The following PTK2 variants were observed in gnomAD, a reference collection of about 807,000 sequenced individuals.
PTK2 encodes the protein focal adhesion kinase 1.
A neutral mutation model predicts 150.1 loss-of-function variants in PTK2; 45 were observed. That is an observed-to-expected ratio of 0.30 (90% CI 0.24 to 0.38). The LOEUF (loss-of-function observed/expected upper bound fraction) is 0.38. Ranked by LOEUF, PTK2 falls within the 10% of genes least tolerant of loss-of-function variation. PTK2 has a pLI of 1.00. For synonymous variants in PTK2, 432 were observed against 449.2 expected, an observed-to-expected ratio of 0.96 and a Z score of 0.48; for missense variants, 919 against 1,307.3, an observed-to-expected ratio of 0.70 and a Z score of 4.58.
At position 140,872,729 on chromosome 8, in the gene PTK2, CCTTA is replaced by C. The variant is rs541880243; in HGVS notation, c.362+6738_362+6741del. On this transcript the variant is annotated intron_variant, in intron 4 of 31. Transcript: ENST00000522684. ...TGACTTCTGAAGGAATTTACCATTCCCTTATTTACATGTTCCATATGGTCTTAAC... is the reference window on the plus strand; with the variant it reads ...TGACTTCTGAAGGAATTTACCATTCCTTTACATGTTCCATATGGTCTTAAC... Among the ~76,000 whole-genome samples the C allele has an allele frequency of 2.1e-4, 32 of 152,328 alleles. 1 individual carries two copies. In the East Asian group the frequency reaches 6.2e-3, roughly 29 times the overall value.
intron 8 of PTK2, among the ~76,000 whole-genome samples, chr8:140,820,100 T>TG (rs2100107424): frequency 2.0e-4 from 18 of 90,894 alleles, no homozygotes; most frequent in East Asian, 3.0e-4. Flanking sequence ...TTTTTTTTTT[T>TG]TTTTTTTTTT....
chr8:140,772,861 T>C (rs999403382), intron 14 of PTK2, among the ~76,000 whole-genome samples: 1 of 152,216 alleles, frequency 6.6e-6, no homozygotes, highest in Non-Finnish European at 1.5e-5. Flanking sequence ...ATAAAAGATA[T>C]ATGGAACACT....
intron 2 of PTK2, among the ~76,000 whole-genome samples, chr8:140,922,308 C>T (rs926529167): frequency 6.6e-6 from 1 of 151,972 alleles, no homozygotes; most frequent in African/African-American, 2.4e-5. Flanking sequence ...TATCATTCAC[C>T]AGCATGAACT....
chr8:140,744,532 C>T (rs1359919115), intron 19 of PTK2, 120 bp downstream of exon 22: 6 of 509,346 alleles, frequency 1.2e-5, no homozygotes, highest in African/African-American at 1.9e-5. Flanking sequence ...AGAATTGGTA[C>T]AAAACTGTAC....
chr8:140,761,778 C>T (rs533659090), intron 15 of PTK2, among the ~76,000 whole-genome samples: 1 of 152,160 alleles, frequency 6.6e-6, no homozygotes, highest in Non-Finnish European at 1.5e-5. Context: ...CCTATCTCTA[C>T]ATTACTCATG....
At chr8:140,674,149 A>G (rs776821913) in intron 29 of PTK2, 149 bp downstream of exon 32, 1 of 822,712 alleles carries the variant, frequency 1.2e-6, no homozygotes, top group East Asian at 2.4e-5. Flanking sequence ...GAACCAGACC[A>G]ATTGACTCCT....
chr8:140,724,444 G>A (rs1019538572), intron 22 of PTK2, among the ~76,000 whole-genome samples: 2 of 152,046 alleles, frequency 1.3e-5, no homozygotes, highest in Non-Finnish European at 2.9e-5. Flanking sequence ...CCTTTTAAAT[G>A]TAATAAATAC....
At chr8:140,940,842 T>C (rs1420844531) in intron 1 of PTK2, among the ~76,000 whole-genome samples, 2 of 151,874 alleles carry the variant, frequency 1.3e-5, no homozygotes, top group African/African-American at 2.4e-5. Context: ...CCGGGCATGG[T>C]GGTGAGTACC....
chr8:140,755,945 T>C (rs1343880166), intron 16 of PTK2, among the ~76,000 whole-genome samples: 2 of 152,068 alleles, frequency 1.3e-5, no homozygotes, highest in Non-Finnish European at 2.9e-5. Flanking sequence ...TAATAGAAAC[T>C]TAAGAGAAAT....
chr8:140,925,409 C>A (rs1358328536), intron 2 of PTK2, among the ~76,000 whole-genome samples: 3 of 152,140 alleles, frequency 2.0e-5, no homozygotes, highest in South Asian at 2.1e-4. Flanking sequence ...TCTCATACTG[C>A]GCTCATTTCC....
Position 140,817,407 on chromosome 8 carries a change from G to T in PTK2, c.867+870C>A, listed in dbSNP as rs72683758. 3.4e-3 allele frequency among the ~76,000 whole-genome samples: 511 copies of T among 152,232 alleles called. 1 individual carries two copies. The highest frequency in any genetic ancestry group is 5.8e-3 in the Non-Finnish European group (392 of 68,010). On this transcript the variant is annotated intron_variant, in intron 10 of 31. Coordinates refer to ENST00000522684, the Ensembl canonical transcript of PTK2. ...TAGGAAATTATATGTACAGGTCAAG[G>T]TATGAATAAATTAAGTAAAAAGTTC... is the stretch of plus-strand genomic sequence containing the variant.
At chr8:140,738,680 G>A (rs936205237) in intron 21 of PTK2, among the ~76,000 whole-genome samples, 2 of 152,108 alleles carry the variant, frequency 1.3e-5, no homozygotes, top group South Asian at 2.1e-4. Flanking sequence ...TGAAAGGAAC[G>A]AATGAGATGG....
At chr8:140,750,895 C>G (rs1035662191) in intron 17 of PTK2, among the ~76,000 whole-genome samples, 2 of 152,162 alleles carry the variant, frequency 1.3e-5, no homozygotes, top group Middle Eastern at 3.4e-3. Flanking sequence ...TGGGAAACAG[C>G]AAAAACCTGT....
At chr8:140,932,221 TC>T (rs1353375046) in intron 1 of PTK2, among the ~76,000 whole-genome samples, 1 of 152,172 alleles carries the variant, frequency 6.6e-6, no homozygotes, top group African/African-American at 2.4e-5. Flanking sequence ...ATTTAACATT[TC>T]TTTTTTTTCT....
At chr8:140,973,172 A>G (rs2100187984) in intron 1 of PTK2, among the ~76,000 whole-genome samples, 1 of 152,252 alleles carries the variant, frequency 6.6e-6, no homozygotes, top group Non-Finnish European at 1.5e-5. Context: ...GGGCTTATGC[A>G]GTAAAGGATT....
chr8:140,756,366 C>T (rs944125407), intron 16 of PTK2, among the ~76,000 whole-genome samples: 3 of 151,382 alleles, frequency 2.0e-5, no homozygotes, highest in Non-Finnish European at 2.9e-5. Context: ...AATGTGAATC[C>T]TTGGGGACTG....
chr8:140,671,934 G>A (rs950776335), intron 29 of PTK2, among the ~76,000 whole-genome samples: 24 of 116,324 alleles, frequency 2.1e-4, no homozygotes, highest in East Asian at 9.7e-4. Flanking sequence ...TCTGTCTCAG[G>A]GGGGCGGGGG....
intron 16 of PTK2, among the ~76,000 whole-genome samples, chr8:140,760,935 T>C (rs544169170): frequency 2.0e-5 from 3 of 152,244 alleles, no homozygotes; most frequent in African/African-American, 7.2e-5. Flanking sequence ...TGACAAAGGC[T>C]GAAAGATTAA....
chr8:140,690,613 C>T (rs891979638), intron 26 of PTK2, among the ~76,000 whole-genome samples: 3 of 152,106 alleles, frequency 2.0e-5, no homozygotes, highest in Non-Finnish European at 4.4e-5. Flanking sequence ...AATTACAAAT[C>T]ACTCAACCTT....
Sources: allele counts gnomAD v4.1 joint callset (sites outside exome capture counted in the v4.1 genomes callset), GRCh38; gene constraint gnomAD v4.1.1; transcripts MANE v1.5; gene names NCBI Gene and HGNC (gene_info 2026-07-23, HGNC 2026-07-21).